SLC16A7: variants seen among roughly 807,000 people sequenced by gnomAD.
SLC16A7 encodes solute carrier family 16 member 7.
In SLC16A7, 33 loss-of-function variants were observed where a neutral mutation model predicts 34.9. That is an observed-to-expected ratio of 0.94 (90% CI 0.72 to 1.26). The LOEUF (loss-of-function observed/expected upper bound fraction) is 1.26. Ranked by LOEUF, SLC16A7 falls within the 50% of genes most tolerant of loss-of-function variation. The pLI is 0.00. For missense variants in SLC16A7, 573 were observed against 578.1 expected (o/e 0.99, Z 0.09); for synonymous variants, 201 against 206.6 (o/e 0.97, Z 0.23).
At chr12:59,623,330 A>T (rs1346382834) in intron 1 of SLC16A7, among the ~76,000 whole-genome samples, 1 of 151,710 alleles carries the variant, frequency 6.6e-6, no homozygotes, top group Admixed American at 6.6e-5. Flanking sequence ...AGAAAATCAT[A>T]ATAATAGGAG....
At chr12:59,701,710 G>A (rs546403461) in intron 2 of SLC16A7, among the ~76,000 whole-genome samples, 1 of 151,710 alleles carries the variant, frequency 6.6e-6, no homozygotes, top group East Asian at 1.9e-4. Flanking sequence ...TTTCCTGTCT[G>A]TAAAATGGAA....
chr12:59,716,660 C>T (rs1592563020), intron 3 of SLC16A7, among the ~76,000 whole-genome samples: 1 of 152,068 alleles, frequency 6.6e-6, no homozygotes. Context: ...CCAGCCTGGA[C>T]AACATGGTGA....
intron 4 of SLC16A7, among the ~76,000 whole-genome samples, chr12:59,771,619 C>T (rs1327649121): frequency 6.6e-6 from 1 of 151,978 alleles, no homozygotes; most frequent in Non-Finnish European, 1.5e-5. Context: ...CTTTAGTTTG[C>T]TTTTTTTCCT....
chr12:59,636,217 C>T (rs1592417909), intron 1 of SLC16A7, among the ~76,000 whole-genome samples: 2 of 151,942 alleles, frequency 1.3e-5, no homozygotes, highest in Admixed American at 6.6e-5. Context: ...TAAATAAGAA[C>T]ACTTTCTGTT....
At chr12:59,721,474 A>G (rs575387985) in intron 3 of SLC16A7, among the ~76,000 whole-genome samples, 1 of 152,022 alleles carries the variant, frequency 6.6e-6, no homozygotes, top group African/African-American at 2.4e-5. Context: ...CCCTCTCACA[A>G]CTGGGTCATT....
chr12:59,680,710 T>C (rs533398340), intron 2 of SLC16A7, among the ~76,000 whole-genome samples: 89 of 152,328 alleles, frequency 5.8e-4, no homozygotes, highest in Middle Eastern at 3.4e-3. Flanking sequence ...GTTTTTTTTT[T>C]AGCCCTGTAG....
intron 3 of SLC16A7, among the ~76,000 whole-genome samples, chr12:59,722,225 C>T (rs1414959655): frequency 6.6e-6 from 1 of 151,946 alleles, no homozygotes; most frequent in African/African-American, 2.4e-5. Flanking sequence ...CATGCTTTGA[C>T]TTTTCCTCTC....
chr12:59,679,600 A>T (rs1870589221), intron 2 of SLC16A7, among the ~76,000 whole-genome samples: 1 of 152,088 alleles, frequency 6.6e-6, no homozygotes, highest in South Asian at 2.1e-4. Context: ...CTGTCTCATG[A>T]TGTTTATCAT....
At chr12:59,639,606 C>G (rs1880586511) in intron 1 of SLC16A7, among the ~76,000 whole-genome samples, 1 of 152,022 alleles carries the variant, frequency 6.6e-6, no homozygotes, top group Admixed American at 6.6e-5. Flanking sequence ...AAGTTAGTCT[C>G]AACTCCTGGG....
chr12:59,750,669 A>G (rs142347666), intron 3 of SLC16A7, among the ~76,000 whole-genome samples: 18,658 of 152,200 alleles, frequency 0.12, 1,496 homozygotes, highest in African/African-American at 0.22. Flanking sequence ...TCAAGGATCT[A>G]GAACTAGAAA....
intron 1 of SLC16A7, among the ~76,000 whole-genome samples, chr12:59,598,283 G>A (rs1168353613): frequency 1.3e-5 from 2 of 152,202 alleles, no homozygotes; most frequent in Non-Finnish European, 2.9e-5. Context: ...GAGATTGGTG[G>A]TACCCACTCT....
chr12:59,698,473 T>C (rs528567314), intron 2 of SLC16A7, among the ~76,000 whole-genome samples: 1 of 151,936 alleles, frequency 6.6e-6, no homozygotes, highest in Admixed American at 6.6e-5. Flanking sequence ...GAAGATGTCT[T>C]ACACTGGATG....
intron 2 of SLC16A7, among the ~76,000 whole-genome samples, chr12:59,681,278 T>C (rs925107921): frequency 4.6e-5 from 7 of 152,222 alleles, no homozygotes; most frequent in African/African-American, 1.7e-4. Flanking sequence ...TCATCCATCT[T>C]GTTTATTGTT....
chr12:59,701,543 C>G (rs1265678700), intron 2 of SLC16A7, among the ~76,000 whole-genome samples: 3 of 151,388 alleles, frequency 2.0e-5, no homozygotes, highest in Non-Finnish European at 4.4e-5. Flanking sequence ...TTTAAAGGGT[C>G]TATAAGTTCA....
intron 1 of SLC16A7, among the ~76,000 whole-genome samples, chr12:59,643,971 T>G (rs1880794854): frequency 6.6e-6 from 1 of 152,158 alleles, no homozygotes; most frequent in African/African-American, 2.4e-5. Context: ...AACTCTTAGG[T>G]TACCCTTTAA....
intron 2 of SLC16A7, among the ~76,000 whole-genome samples, chr12:59,682,810 C>T (rs1267839449): frequency 6.6e-6 from 1 of 152,126 alleles, no homozygotes; most frequent in Non-Finnish European, 1.5e-5. Flanking sequence ...GTAGCTCACG[C>T]CTGTAATCCC....
chr12:59,697,496 G>A (rs544976662), intron 2 of SLC16A7, among the ~76,000 whole-genome samples: 120 of 152,006 alleles, frequency 7.9e-4, no homozygotes, highest in Admixed American at 1.2e-3. Flanking sequence ...ACTTCTTTCC[G>A]TTTTTCTGAT....
chr12:59,650,590 C>G (rs1868326510), intron 1 of SLC16A7, among the ~76,000 whole-genome samples: 1 of 152,112 alleles, frequency 6.6e-6, no homozygotes, highest in South Asian at 2.1e-4. Flanking sequence ...TTTTAGATAT[C>G]TTTGACTATG....
chr12:59,689,264 C>G (rs755740195), intron 2 of SLC16A7: 1 of 151,938 alleles, frequency 6.6e-6, no homozygotes, highest in African/African-American at 2.4e-5. Flanking sequence ...CTCAAGTGAG[C>G]TAGGGGAAGG....
Sources: allele counts gnomAD v4.1 joint callset (sites outside exome capture counted in the v4.1 genomes callset), GRCh38; gene constraint gnomAD v4.1.1; transcripts MANE v1.5; gene names NCBI Gene and HGNC (gene_info 2026-07-23, HGNC 2026-07-21).